Variants in SNX29 observed in about 807,000 individuals in gnomAD.
SNX29 encodes sorting nexin 29.
In SNX29, 78 loss-of-function variants were observed where a neutral mutation model predicts 102.1. The ratio of observed to expected loss-of-function variants is 0.76; its 90% CI spans 0.64 to 0.92. The LOEUF is 0.92. Among genes scored for constraint, SNX29 ranks in the 40% least tolerant of loss-of-function variants. SNX29 has a pLI of 0.00. For missense variants in SNX29, 1,280 were observed against 1,061.7 expected (o/e 1.21, Z -2.86); for synonymous variants, 580 against 414.5 (o/e 1.40, Z -4.85).
At chr16:12,321,973 C>T (rs756684044) in intron 15 of SNX29, among the ~76,000 whole-genome samples, 15 of 152,122 alleles carry the variant, frequency 9.9e-5, no homozygotes, top group Non-Finnish European at 2.1e-4. Flanking sequence ...AAGCACCTGT[C>T]GTGGTTCACG....
chr16:12,507,062 G>C (rs370924750), intron 19 of SNX29, among the ~76,000 whole-genome samples: 1 of 152,250 alleles, frequency 6.6e-6, no homozygotes, highest in Non-Finnish European at 1.5e-5. Context: ...CAAAGATGAT[G>C]ATGATAGCTA....
chr16:12,535,504 G>T (rs1053033250), intron 20 of SNX29, among the ~76,000 whole-genome samples: 2 of 152,148 alleles, frequency 1.3e-5, no homozygotes, highest in Non-Finnish European at 2.9e-5. Context: ...TGAGGAAACT[G>T]AGTCTCACAG....
chr16:12,440,580 C>A (rs78067983), intron 18 of SNX29, among the ~76,000 whole-genome samples: 1 of 152,122 alleles, frequency 6.6e-6, no homozygotes, highest in Admixed American at 6.5e-5. Context: ...TTTTCCTGAT[C>A]CTCTCCCTCC....
intron 18 of SNX29, among the ~76,000 whole-genome samples, chr16:12,412,045 T>G (rs1470135243): frequency 1.3e-5 from 2 of 152,116 alleles, no homozygotes; most frequent in Non-Finnish European, 2.9e-5. Flanking sequence ...TTTCCTAAGG[T>G]ACCTGGCACC....
chr16:12,430,153 C>G (rs1029561238), intron 18 of SNX29, among the ~76,000 whole-genome samples: 2 of 152,152 alleles, frequency 1.3e-5, no homozygotes, highest in African/African-American at 4.8e-5. Context: ...AATCTAATGC[C>G]CAAAGATCTG....
At chr16:12,459,923 G>A (rs904135693) in intron 18 of SNX29, among the ~76,000 whole-genome samples, 12 of 152,168 alleles carry the variant, frequency 7.9e-5, no homozygotes, top group Admixed American at 2.6e-4. Flanking sequence ...AAGGACCAGC[G>A]ACACCATCGG....
In SNX29 at chr16:12,572,308, G is replaced by GA; in HGVS notation, c.*3679_*3680insA. The GA allele has an allele frequency of 1.1e-6, 1 of 910,858 alleles. No individual in the cohort carries two copies. The highest frequency in any genetic ancestry group is 6.8e-5 in the East Asian group (1 of 14,698). The allele number at this position is 910,858 out of a possible 1,614,324, so 56.4% of individuals were successfully genotyped here. A position where few individuals can be genotyped will look rare whatever the true frequency, so the allele number is the denominator to read the frequency against. ...TACTGGGGCCAGTGATCACAATCCA[G>GA]GTTGGAAACAGGAGTGAAGCCCACC... On this transcript the variant is annotated 3_prime_UTR_variant, in exon 21 of 21. Coordinates refer to ENST00000566228, the MANE Select transcript of SNX29 (RefSeq NM_032167.5).
chr16:12,235,104 T>TC (rs1017743561), intron 14 of SNX29, among the ~76,000 whole-genome samples: 4 of 152,202 alleles, frequency 2.6e-5, no homozygotes, highest in African/African-American at 7.2e-5. Flanking sequence ...GTCTTTTTTT[T>TC]CATTTTTCTT....
chr16:12,385,347 G>A (rs1201132874), intron 16 of SNX29, among the ~76,000 whole-genome samples: 1 of 152,356 alleles, frequency 6.6e-6, no homozygotes, highest in Admixed American at 6.5e-5. Flanking sequence ...CCTGCAGCAG[G>A]AAGTGAATCC....
At chr16:12,244,041 A>C (rs547268489) in intron 14 of SNX29, among the ~76,000 whole-genome samples, 9 of 152,262 alleles carry the variant, frequency 5.9e-5, no homozygotes, top group African/African-American at 2.4e-5. Context: ...TTAGATTTTC[A>C]CAAGGAGTGC....
chr16:12,104,674 T>TG (rs1209554770), intron 11 of SNX29, among the ~76,000 whole-genome samples: 14 of 152,210 alleles, frequency 9.2e-5, no homozygotes, highest in African/African-American at 3.4e-4. Flanking sequence ...AGCTGTGGGT[T>TG]GGGGCCATTA....
intron 1 of SNX29, among the ~76,000 whole-genome samples, chr16:11,978,518 C>T (rs1190837173): frequency 6.6e-6 from 1 of 152,186 alleles, no homozygotes; most frequent in Admixed American, 6.6e-5. Context: ...TCACGAGGTG[C>T]ATTGTCAGAA....
At chr16:12,291,022 G>A (rs894383850) in intron 15 of SNX29, among the ~76,000 whole-genome samples, 4 of 152,150 alleles carry the variant, frequency 2.6e-5, no homozygotes, top group South Asian at 4.1e-4. Flanking sequence ...CGAGCCTGTC[G>A]TGGTAATCTC....
intron 19 of SNX29, among the ~76,000 whole-genome samples, chr16:12,522,660 G>A (rs902329380): frequency 1.4e-4 from 22 of 152,106 alleles, no homozygotes; most frequent in Non-Finnish European, 2.4e-4. Context: ...CTCCGGCCAC[G>A]TAAGATGTGC....
chr16:12,285,529 T>C (rs1434853577), intron 15 of SNX29, among the ~76,000 whole-genome samples: 1 of 152,202 alleles, frequency 6.6e-6, no homozygotes, highest in African/African-American at 2.4e-5. Context: ...AAAAGTAAGC[T>C]TGAACATCAA....
At chr16:12,224,843 G>A (rs1202124223) in intron 14 of SNX29, among the ~76,000 whole-genome samples, 1 of 152,086 alleles carries the variant, frequency 6.6e-6, no homozygotes, top group Non-Finnish European at 1.5e-5. Flanking sequence ...ACGTGACAGG[G>A]TTCTAGGAGC....
At chr16:12,370,825 C>T (rs1373888013) in intron 16 of SNX29, among the ~76,000 whole-genome samples, 1 of 152,214 alleles carries the variant, frequency 6.6e-6, no homozygotes, top group East Asian at 1.9e-4. Context: ...TGTCTCTTTT[C>T]TGGGCGACCA....
At chr16:12,539,161 TTCA>T (rs1463964623) in intron 20 of SNX29, among the ~76,000 whole-genome samples, 17 of 151,728 alleles carry the variant, frequency 1.1e-4, no homozygotes, top group African/African-American at 4.1e-4. Context: ...TTTGCTCTTG[TTCA>T]TGTCTGTGAA....
intron 15 of SNX29, among the ~76,000 whole-genome samples, chr16:12,280,092 C>G (rs1476546926): frequency 6.6e-6 from 1 of 152,144 alleles, no homozygotes; most frequent in African/African-American, 2.4e-5. Flanking sequence ...ACCCTCTGAG[C>G]CAAGTGCCAC....
Sources: gnomAD v4.1 joint callset for allele counts (sites outside exome capture counted in the v4.1 genomes callset) on GRCh38, gnomAD v4.1.1 for gene constraint, MANE v1.5 for transcripts, NCBI Gene and HGNC (gene_info 2026-07-23, HGNC 2026-07-21) for gene names.